Variants in KATNAL2 observed in about 807,000 individuals in gnomAD.
KATNAL2 encodes katanin catalytic subunit A1 like 2.
In KATNAL2, 52 loss-of-function variants were observed where a neutral mutation model predicts 76.3. That is an observed-to-expected ratio of 0.68 (90% confidence interval 0.55 to 0.86). The LOEUF (loss-of-function observed/expected upper bound fraction) is 0.86, where lower values mean the gene tolerates loss of function less well. Ranked by LOEUF, KATNAL2 falls within the 40% of genes least tolerant of loss-of-function variation. The probability of loss-of-function intolerance (pLI) is 0.00; values close to 1 mark genes in which losing one functional copy is unlikely to be tolerated. For synonymous variants in KATNAL2, 243 were observed against 244.2 expected (o/e 1.00, Z 0.05); for missense variants, 660 against 668.9 (o/e 0.99, Z 0.15).
At chr18:47,054,115 C>G (rs1284962215) in intron 5 of KATNAL2, among the ~76,000 whole-genome samples, 3 of 152,178 alleles carry the variant, frequency 2.0e-5, no homozygotes. Context: ...TAAAGCTAGC[C>G]TATATTGGAG....
At chr18:47,087,859 T>C (rs1421046379) in intron 15 of KATNAL2, among the ~76,000 whole-genome samples, 4 of 152,134 alleles carry the variant, frequency 2.6e-5, no homozygotes, top group Non-Finnish European at 5.9e-5. Context: ...CCTGTTTTTT[T>C]TCCTTCATTT....
At chr18:47,055,547 A>G (rs2061447338) in intron 6 of KATNAL2, among the ~76,000 whole-genome samples, 5 of 152,182 alleles carry the variant, frequency 3.3e-5, no homozygotes, top group Admixed American at 2.6e-4. Flanking sequence ...CCACGATCCT[A>G]CTTGTTATAA....
intron 1 of KATNAL2, among the ~76,000 whole-genome samples, chr18:46,929,795 A>G (rs4890705): frequency 0.44 from 66,898 of 151,882 alleles, 14,839 homozygotes; most frequent in Middle Eastern, 0.52. Context: ...TTTTTTTGAG[A>G]CAGAGTTTCA....
At chr18:47,038,627 T>G (rs1205104298) in intron 3 of KATNAL2, among the ~76,000 whole-genome samples, 2 of 152,212 alleles carry the variant, frequency 1.3e-5, no homozygotes, top group African/African-American at 4.8e-5. Flanking sequence ...CAACTTACAT[T>G]CCCACCAATT....
intron 3 of KATNAL2, among the ~76,000 whole-genome samples, chr18:47,036,136 T>C (rs564961017): frequency 2.6e-5 from 4 of 152,276 alleles, no homozygotes. Flanking sequence ...CTGGGTGCCG[T>C]TTGCAGAATT....
intron 7 of KATNAL2, 112 bp from the exon 8 acceptor site, chr18:47,059,444 G>A (rs557298119): frequency 5.4e-5 from 40 of 743,736 alleles, no homozygotes; most frequent in South Asian, 3.6e-4. Flanking sequence ...TGCATGTCGC[G>A]TTCACAGAAT....
intron 15 of KATNAL2, among the ~76,000 whole-genome samples, chr18:47,077,759 C>T (rs1233683320): frequency 1.3e-5 from 2 of 152,158 alleles, no homozygotes; most frequent in Non-Finnish European, 2.9e-5. Flanking sequence ...CATAGAACTA[C>T]AAAATGCTTA....
intron 3 of KATNAL2, chr18:47,033,901 G>C: frequency 6.2e-7 from 1 of 1,613,404 alleles, no homozygotes; most frequent in Non-Finnish European, 8.5e-7. Context: ...GACATGGCTG[G>C]GCACCGTTTT....
rs78965328 is a variant in KATNAL2, at chr18:47,102,119, T to A, written c.*1114T>A. 2.6e-5 allele frequency: 4 copies of A among 152,204 alleles called. No homozygotes were observed. The East Asian group carries it at 7.7e-4, about 29-fold the overall frequency. The allele number at this position is 152,204 out of a possible 1,614,324, so 9.4% of individuals were successfully genotyped here. A position where few individuals can be genotyped will look rare whatever the true frequency, so the allele number is the denominator to read the frequency against. Reference sequence around the variant, plus strand: ...TACCCTTTTAAACAAAACCAAAGCATTTTTTTCGGTATCGATTATTTTGAG... The same window carrying A: ...TACCCTTTTAAACAAAACCAAAGCAATTTTTTCGGTATCGATTATTTTGAG... On this transcript the variant is annotated 3_prime_UTR_variant, in exon 18 of 18. Coordinates refer to ENST00000683218, the MANE Select transcript of KATNAL2 (RefSeq NM_001387690.1).
chr18:47,054,968 C>G (rs1057473938), intron 6 of KATNAL2, among the ~76,000 whole-genome samples: 1 of 152,220 alleles, frequency 6.6e-6, no homozygotes, highest in African/African-American at 2.4e-5. Context: ...CTTGCTTTTC[C>G]CTCCTGTTCA....
intron 15 of KATNAL2, among the ~76,000 whole-genome samples, chr18:47,081,561 G>A (rs1191631270): frequency 6.6e-6 from 1 of 152,186 alleles, no homozygotes; most frequent in Non-Finnish European, 1.5e-5. Context: ...TGTGGCTGGT[G>A]CTACCATATG....
At position 46,931,139 on chromosome 18, in the gene KATNAL2, T is replaced by TAATAATAATAATAATAAA. The variant is rs1555824545; in HGVS notation, c.-510+13215_-510+13216insTAATAATAATAATAAAAA. Among the ~76,000 whole-genome samples the TAATAATAATAATAATAAA allele has an allele frequency of 2.9e-3, 351 of 122,780 alleles. 8 individuals are homozygous for TAATAATAATAATAATAAA. The highest frequency in any genetic ancestry group is 2.9e-3 in the East Asian group (11 of 3,814). The allele number at this position is 122,780 out of a possible 152,430, so 80.5% of individuals were successfully genotyped here. On this transcript the variant is annotated intron_variant, in intron 1 of 17. Coordinates refer to ENST00000683218, the MANE Select transcript of KATNAL2 (RefSeq NM_001387690.1). ...ATAATAATAATAATAATAATAATAA[T>TAATAATAATAATAATAAA]AAATAAATAAATTAGCCAGGCGTGG...
intron 13 of KATNAL2, among the ~76,000 whole-genome samples, chr18:47,070,380 C>T (rs548961777): frequency 1.3e-5 from 2 of 152,172 alleles, no homozygotes; most frequent in African/African-American, 4.8e-5. Flanking sequence ...GGATTACAGG[C>T]CACCACGCCA....
At chr18:47,083,805 G>C (rs2062641089) in intron 15 of KATNAL2, among the ~76,000 whole-genome samples, 1 of 152,170 alleles carries the variant, frequency 6.6e-6, no homozygotes. Context: ...CTAAGGGTCA[G>C]GAAACAAAAT....
At chr18:47,034,875 C>G in intron 3 of KATNAL2, 3 of 1,612,108 alleles carry the variant, frequency 1.9e-6, no homozygotes, top group Non-Finnish European at 2.5e-6. Flanking sequence ...TGCGTGCTGT[C>G]CGTCTGTGCT....
chr18:46,941,786 A>G (rs2059253720), intron 1 of KATNAL2, among the ~76,000 whole-genome samples: 3 of 152,206 alleles, frequency 2.0e-5, no homozygotes, highest in Non-Finnish European at 4.4e-5. Context: ...TTACACATAA[A>G]GTTTTGGTGT....
chr18:47,076,127 T>A (rs1164163717), intron 14 of KATNAL2: 1 of 152,220 alleles, frequency 6.6e-6, no homozygotes, highest in African/African-American at 2.4e-5. Context: ...CATTTATTAA[T>A]GACCTTTAAT....
At chr18:46,952,323 C>T (rs895256899) in intron 3 of KATNAL2, among the ~76,000 whole-genome samples, 1 of 151,938 alleles carries the variant, frequency 6.6e-6, no homozygotes. Context: ...GATCTTCCCC[C>T]ACCCACCACC....
chr18:46,918,201 G>A (rs990726277), intron 1 of KATNAL2, among the ~76,000 whole-genome samples: 1 of 151,910 alleles, frequency 6.6e-6, no homozygotes, highest in African/African-American at 2.4e-5. Flanking sequence ...AAGCTTGATG[G>A]CCCCCCCGTA....
Sources: allele counts gnomAD v4.1 joint callset (sites outside exome capture counted in the v4.1 genomes callset), GRCh38; gene constraint gnomAD v4.1.1; transcripts MANE v1.5; gene names NCBI Gene and HGNC (gene_info 2026-07-23, HGNC 2026-07-21).